FHIT: variants seen among roughly 807,000 people sequenced by gnomAD.
The protein encoded by FHIT is bis(5'-adenosyl)-triphosphatase.
A neutral mutation model predicts 17.9 loss-of-function variants in FHIT; 19 were observed. That is an observed-to-expected ratio of 1.06 (90% CI 0.74 to 1.56). The LOEUF is 1.56. Among genes scored for constraint, FHIT ranks in the 40% most tolerant of loss-of-function variants. FHIT has a pLI of 0.00. For missense variants in FHIT, 248 were observed against 189.2 expected, an observed-to-expected ratio of 1.31 and a Z score of -1.82; for synonymous variants, 81 against 69.7, an observed-to-expected ratio of 1.16 and a Z score of -0.81.
At chr3:59,999,300 G>A (rs1699637055) in intron 7 of FHIT, among the ~76,000 whole-genome samples, 1 of 152,056 alleles carries the variant, frequency 6.6e-6, no homozygotes, top group South Asian at 2.1e-4. Context: ...GGAGAGAATA[G>A]ACTAACAGGG....
At chr3:61,223,880 C>T (rs981151240) in intron 1 of FHIT, among the ~76,000 whole-genome samples, 2 of 150,696 alleles carry the variant, frequency 1.3e-5, no homozygotes, top group African/African-American at 4.9e-5. Flanking sequence ...GAATATGATA[C>T]AGATAAGGGG....
intron 2 of FHIT, among the ~76,000 whole-genome samples, chr3:61,179,707 C>CA (rs779180597): frequency 0.053 from 1,519 of 28,810 alleles, 186 homozygotes; most frequent in African/African-American, 0.12. Context: ...GACCCTATCT[C>CA]AAAAAAAAAA....
chr3:60,999,182 T>C (rs116070484), intron 3 of FHIT, among the ~76,000 whole-genome samples: 3,055 of 152,200 alleles, frequency 0.02, 35 homozygotes, highest in South Asian at 0.054. Context: ...ACATGGAGAA[T>C]ACAATGCTAG....
intron 4 of FHIT, among the ~76,000 whole-genome samples, chr3:60,672,213 C>T (rs1211469814): frequency 1.3e-5 from 2 of 152,102 alleles, no homozygotes; most frequent in Non-Finnish European, 2.9e-5. Flanking sequence ...TCATGCACGT[C>T]CGTGTGAAGA....
intron 2 of FHIT, among the ~76,000 whole-genome samples, chr3:61,057,720 C>G (rs895653092): frequency 3.3e-5 from 5 of 152,184 alleles, no homozygotes; most frequent in Non-Finnish European, 1.5e-5. Flanking sequence ...ATGAAAGGTT[C>G]ACTGCACTCG....
intron 5 of FHIT, among the ~76,000 whole-genome samples, chr3:60,444,986 A>G (rs1388081943): frequency 6.6e-6 from 1 of 152,152 alleles, no homozygotes; most frequent in Non-Finnish European, 1.5e-5. Flanking sequence ...CGTTAGATTG[A>G]AAAGCGATGA....
In FHIT at chr3:60,130,507, A is replaced by G. The variant is rs141535951; in HGVS notation, c.104-116355T>C. 2.0e-5 allele frequency among the ~76,000 whole-genome samples: 3 copies of G among 152,280 alleles called. No individual in the cohort carries two copies. In the East Asian group the frequency reaches 5.8e-4, roughly 29 times the overall value. ...GGATATGGATGTAAGACTGGAACTC[A>G]GACGGCATGACTCTCAGGTTACAGA... is the stretch of plus-strand genomic sequence containing the variant. On this transcript the variant is annotated intron_variant, in intron 5 of 9. Transcript: ENST00000492590.
chr3:60,306,252 G>A (rs1041671333), intron 5 of FHIT, among the ~76,000 whole-genome samples: 2 of 152,098 alleles, frequency 1.3e-5, no homozygotes, highest in African/African-American at 4.8e-5. Context: ...ATGGTAAAGA[G>A]GATTTACGTC....
chr3:60,428,831 C>A, intron 5 of FHIT, among the ~76,000 whole-genome samples: 1 of 152,198 alleles, frequency 6.6e-6, no homozygotes, highest in Non-Finnish European at 1.5e-5. Context: ...GGGAGAGAGG[C>A]AGATACTAGT....
intron 5 of FHIT, among the ~76,000 whole-genome samples, chr3:60,366,683 G>A (rs979548132): frequency 6.6e-6 from 1 of 152,144 alleles, no homozygotes; most frequent in African/African-American, 2.4e-5. Context: ...CCCCTGCCAT[G>A]AGATTAACCT....
chr3:60,267,222 G>A (rs1479278829), intron 5 of FHIT, among the ~76,000 whole-genome samples: 1 of 151,970 alleles, frequency 6.6e-6, no homozygotes, highest in Non-Finnish European at 1.5e-5. Context: ...AAAATAATCA[G>A]TTTAAAAGAA....
chr3:60,026,395 T>C (rs79281925), intron 5 of FHIT, among the ~76,000 whole-genome samples: 3,621 of 152,294 alleles, frequency 0.024, 149 homozygotes, highest in African/African-American at 0.082. Flanking sequence ...GGTTATGTGA[T>C]TGAAACAGTG....
At chr3:60,619,413 G>A (rs953911658) in intron 4 of FHIT, among the ~76,000 whole-genome samples, 3 of 152,032 alleles carry the variant, frequency 2.0e-5, no homozygotes, top group Admixed American at 2.0e-4. Flanking sequence ...GAATATGCAA[G>A]ACAATATTAA....
chr3:60,757,002 A>G (rs1553718437), intron 4 of FHIT, among the ~76,000 whole-genome samples: 1 of 152,250 alleles, frequency 6.6e-6, no homozygotes, highest in African/African-American at 2.4e-5. Flanking sequence ...CCAACCACAA[A>G]AAAAGAAAAA....
intron 5 of FHIT, among the ~76,000 whole-genome samples, chr3:60,380,384 G>A (rs986691531): frequency 5.3e-5 from 8 of 152,192 alleles, no homozygotes; most frequent in African/African-American, 1.9e-4. Context: ...CTGAACAGAT[G>A]TTGGTGCCAT....
intron 5 of FHIT, chr3:60,080,705 A>T (rs980294150): frequency 2.0e-5 from 3 of 152,190 alleles, no homozygotes; most frequent in Non-Finnish European, 2.9e-5. Flanking sequence ...GGTGAGGATT[A>T]GCAACCCTGT....
At chr3:60,875,196 T>C (rs17064099) in intron 3 of FHIT, among the ~76,000 whole-genome samples, 13,433 of 152,110 alleles carry the variant, frequency 0.088, 853 homozygotes, top group East Asian at 0.24. Context: ...TCCAAAGAAA[T>C]AGGTCTGACT....
rs573948168 is a variant in FHIT at position 60,700,964 on chromosome 3, T to A, written c.-18+120955A>T. On this transcript the variant is annotated intron_variant, in intron 4 of 9. Transcript: ENST00000492590. ...AGAATTCCTATTTTTCTAAAATTTA[T>A]ATTGTTTAATGTACATTCATATATT... Among the ~76,000 whole-genome samples the A allele has an allele frequency of 6.2e-3, 951 of 152,270 alleles. 6 individuals are homozygous for A. The highest frequency in any genetic ancestry group is 0.02 in the African/African-American group (849 of 41,558).
At chr3:60,328,189 A>G (rs1709792951) in intron 5 of FHIT, among the ~76,000 whole-genome samples, 1 of 152,214 alleles carries the variant, frequency 6.6e-6, no homozygotes, top group African/African-American at 2.4e-5. Context: ...AAGGGCAGGC[A>G]CTGAACACAG....
Sources: gnomAD v4.1 joint callset for allele counts (sites outside exome capture counted in the v4.1 genomes callset) on GRCh38, gnomAD v4.1.1 for gene constraint, MANE v1.5 for transcripts, NCBI Gene and HGNC (gene_info 2026-07-23, HGNC 2026-07-21) for gene names.